Variants in BICD2 observed in about 807,000 individuals in gnomAD.
BICD2 encodes protein bicaudal D homolog 2.
Under a neutral mutation model 72.9 loss-of-function variants are expected in BICD2, and 25 were observed. That is an observed-to-expected ratio of 0.34 (90% CI 0.25 to 0.48). BICD2 has a LOEUF of 0.48. BICD2 is among the 20% of genes least tolerant of loss of function. The pLI, the probability that BICD2 is intolerant of heterozygous loss-of-function variation, is 0.99. For missense variants in BICD2, 894 were observed against 1,175.2 expected (o/e 0.76, Z 3.50); for synonymous variants, 501 against 516.1 (o/e 0.97, Z 0.40).
chr9:92,711,573 G>A lies in BICD2; in HGVS notation c.*3581C>T, dbSNP rs1163090523. 1 of 151,870 alleles carries A rather than the reference G, an allele frequency of 6.6e-6. No homozygotes were observed. Among genetic ancestry groups the A allele is most frequent in the Admixed American group, 6.6e-5 (1 of 15,244 alleles). The allele number at this position is 151,870 out of a possible 1,614,324, so 9.4% of individuals were successfully genotyped here. A position where few individuals can be genotyped will look rare whatever the true frequency, so the allele number is the denominator to read the frequency against. On this transcript the variant is annotated 3_prime_UTR_variant, in exon 7 of 7. Coordinates refer to ENST00000356884, the MANE Select transcript of BICD2 (RefSeq NM_001003800.2). ...CATTTGATTATTATTTTTTTGTTTG[G>A]GTCTGTGTAAAGGTTCCTTGGCAGG...
chr9:92,753,280 G>A (rs1356889069), intron 1 of BICD2, among the ~76,000 whole-genome samples: 1 of 152,176 alleles, frequency 6.6e-6, no homozygotes, highest in Non-Finnish European at 1.5e-5. Context: ...TGATATCCTA[G>A]ACAATACTTG....
At chr9:92,735,722 T>A (rs1232912240) in intron 1 of BICD2, among the ~76,000 whole-genome samples, 2 of 152,082 alleles carry the variant, frequency 1.3e-5, no homozygotes, top group Admixed American at 6.5e-5. Flanking sequence ...ATCTCTGTTA[T>A]CTCCCTGTCC....
At chr9:92,763,984 T>C (rs1410074354) in intron 1 of BICD2, among the ~76,000 whole-genome samples, 1 of 151,866 alleles carries the variant, frequency 6.6e-6, no homozygotes. Context: ...TCGGAGGCAC[T>C]CATGAAAGAA....
At position 92,720,598 on chromosome 9, in the gene BICD2, T is replaced by C. The variant is rs1477280825; in HGVS notation, c.764A>G (p.Asn255Ser). ...GTGTGACAGCTCCTTGCGCAGGCTG[T>C]TCTTCTGTTCGCGCTCCGTCTTCAG... is the stretch of plus-strand genomic sequence containing the variant. ...ETLKTEREQK[N>S]SLRKELSHYM... is the part of the protein sequence containing the mutation. Residue 255 changes from asparagine to serine, a missense_variant, in exon 4 of 7, where the codon AAC becomes AGC. Coordinates refer to ENST00000356884, the MANE Select transcript of BICD2 (RefSeq NM_001003800.2). The surrounding 1 kb of genome is among the most constrained non-coding windows in gnomAD (Gnocchi z 5.4). The C allele has an allele frequency of 1.2e-6, 2 of 1,614,170 alleles. No individual in the cohort carries two copies. Among genetic ancestry groups the C allele is most frequent in the East Asian group, 4.5e-5 (2 of 44,880 alleles).
At position 92,737,398 on chromosome 9, in the gene BICD2, A is replaced by C. The variant is rs116923081; in HGVS notation, c.241-8162T>G. 2.6e-5 allele frequency among the ~76,000 whole-genome samples: 4 copies of C among 151,534 alleles called. No homozygotes were observed. In the East Asian group the frequency reaches 7.8e-4, roughly 29 times the overall value. ...CTTTCGGATGCCCAAGAAGGAGGCA[A>C]CTCCTCCAGAGTCAGCATATCTCTG... On this transcript the variant is annotated intron_variant, in intron 1 of 6. Coordinates refer to ENST00000356884, the MANE Select transcript of BICD2 (RefSeq NM_001003800.2).
intron 1 of BICD2, among the ~76,000 whole-genome samples, chr9:92,754,129 A>G (rs1274370925): frequency 7.4e-6 from 1 of 135,570 alleles, no homozygotes; most frequent in African/African-American, 3.1e-5. Context: ...TGGGCGAGAG[A>G]GCAAGACTAC....
chr9:92,749,131 G>T (rs1387363664), intron 1 of BICD2, among the ~76,000 whole-genome samples: 1 of 151,984 alleles, frequency 6.6e-6, no homozygotes, highest in Non-Finnish European at 1.5e-5. Context: ...AGGAGTCCCT[G>T]CAAGACAGGG....
At chr9:92,761,052 C>G (rs1351359762) in intron 1 of BICD2, among the ~76,000 whole-genome samples, 3 of 152,174 alleles carry the variant, frequency 2.0e-5, no homozygotes, top group African/African-American at 4.8e-5. Context: ...GTGCTGGGAA[C>G]AGGGCTCAGC....
chr9:92,742,349 G>C (rs921800419), intron 1 of BICD2, among the ~76,000 whole-genome samples: 3 of 151,722 alleles, frequency 2.0e-5, no homozygotes, highest in Admixed American at 1.3e-4. Flanking sequence ...TCACAGAGTT[G>C]GGTGAACATC....
intron 1 of BICD2, among the ~76,000 whole-genome samples, chr9:92,755,170 A>G (rs569974344): frequency 6.6e-6 from 1 of 152,334 alleles, no homozygotes; most frequent in Non-Finnish European, 1.5e-5. Flanking sequence ...GAGATTGCAG[A>G]GGTGAGATAG....
rs901414007 is a variant in BICD2 at position 92,713,719 on chromosome 9, G to T, written c.*1435C>A. The T allele has an allele frequency of 1.2e-5, 17 of 1,373,112 alleles. No homozygotes were observed. Among genetic ancestry groups the T allele is most frequent in the Admixed American group, 2.9e-5 (1 of 34,236 alleles). 85.1% of individuals were successfully genotyped at this position (1,373,112 alleles called of 1,614,324 possible). A position where few individuals can be genotyped will look rare whatever the true frequency, so the allele number is the denominator to read the frequency against. ...TGGGCATGCCAGCAGCCATCCCACT[G>T]CGAGTCTTGCTGGGGCAGGGGGATC... On this transcript the variant is annotated 3_prime_UTR_variant, in exon 7 of 7. Transcript: ENST00000356884.
intron 6 of BICD2, 112 bp from the exon 7 acceptor site, chr9:92,715,575 T>A: frequency 9.3e-7 from 1 of 1,076,548 alleles, no homozygotes; most frequent in Non-Finnish European, 1.3e-6. Flanking sequence ...AGAGCCATCC[T>A]TCAATGTGGC....
chr9:92,756,176 A>G (rs1372969172), intron 1 of BICD2, among the ~76,000 whole-genome samples: 3 of 152,208 alleles, frequency 2.0e-5, no homozygotes, highest in African/African-American at 7.2e-5. Context: ...GGCTGGGGCG[A>G]CAGATGAACC....
chr9:92,747,039 C>G (rs1019531454), intron 1 of BICD2, among the ~76,000 whole-genome samples: 1 of 152,348 alleles, frequency 6.6e-6, no homozygotes, highest in Admixed American at 6.5e-5. Context: ...TCAGCTCTGT[C>G]TCACAGTGAA....
intron 2 of BICD2, among the ~76,000 whole-genome samples, chr9:92,723,957 C>T (rs993816456): frequency 6.6e-6 from 1 of 152,346 alleles, no homozygotes; most frequent in South Asian, 2.1e-4. Context: ...CTCTGGCCAC[C>T]AGACACGGCT....
chr9:92,759,947 A>C (rs1288548962), intron 1 of BICD2, among the ~76,000 whole-genome samples: 1 of 152,194 alleles, frequency 6.6e-6, no homozygotes, highest in Non-Finnish European at 1.5e-5. Context: ...CAGGAATCCT[A>C]TATGGACCTG....
chr9:92,730,115 G>A (rs1853650719), intron 1 of BICD2, among the ~76,000 whole-genome samples: 1 of 152,206 alleles, frequency 6.6e-6, no homozygotes, highest in Non-Finnish European at 1.5e-5. Context: ...CCCCCACATA[G>A]CTGGCGTGGC....
At chr9:92,751,644 T>G (rs1412384139) in intron 1 of BICD2, among the ~76,000 whole-genome samples, 1 of 152,136 alleles carries the variant, frequency 6.6e-6, no homozygotes, top group African/African-American at 2.4e-5. Flanking sequence ...TGTCTCACTG[T>G]TGGAGTGGGA....
intron 2 of BICD2, among the ~76,000 whole-genome samples, chr9:92,727,562 C>A (rs1003090828): frequency 6.6e-6 from 1 of 152,104 alleles, no homozygotes; most frequent in East Asian, 1.9e-4. Flanking sequence ...CAATGAGAAC[C>A]TGGGGCTGAC....
Sources: gnomAD v4.1 joint callset for allele counts (sites outside exome capture counted in the v4.1 genomes callset) on GRCh38, gnomAD v4.1.1 for gene constraint, Gnocchi (gnomAD v3.1) non-coding constraint, MANE v1.5 for transcripts, NCBI Gene and HGNC (gene_info 2026-07-23, HGNC 2026-07-21) for gene names.